The following UGT3A1 variants were observed in gnomAD, a reference collection of about 807,000 sequenced individuals.
UGT3A1 encodes the protein UDP-glycosyltransferase 3A1.
In UGT3A1, 40 loss-of-function variants were observed where a neutral mutation model predicts 37.6. That is an observed-to-expected ratio of 1.06 (90% confidence interval 0.83 to 1.38). UGT3A1 has a LOEUF of 1.38. Ranked by LOEUF, UGT3A1 falls within the 40% of genes most tolerant of loss-of-function variation. UGT3A1 has a pLI of 0.00. For synonymous variants in UGT3A1, 256 were observed against 232.3 expected (o/e 1.10, Z -0.93); for missense variants, 642 against 634.2 (o/e 1.01, Z -0.13).
chr5:35,985,092 A>AAAAAG (rs1554074578), intron 2 of UGT3A1, among the ~76,000 whole-genome samples: 5 of 149,978 alleles, frequency 3.3e-5, no homozygotes, highest in African/African-American at 1.2e-4. Context: ...AAAAAAAAAA[A>AAAAAG]AAAGAAATTC....
intron 2 of UGT3A1, among the ~76,000 whole-genome samples, chr5:35,987,894 T>C (rs911357010): frequency 6.6e-6 from 1 of 152,218 alleles, no homozygotes; most frequent in African/African-American, 2.4e-5. Context: ...TTACAATTCT[T>C]TGGAGGAAAT....
At chr5:35,969,519 A>G (rs1739951070) in intron 2 of UGT3A1, among the ~76,000 whole-genome samples, 1 of 152,110 alleles carries the variant, frequency 6.6e-6, no homozygotes. Flanking sequence ...AACAACCAAA[A>G]AGAGAAAGAG....
At chr5:35,983,476 T>C (rs1740610355) in intron 2 of UGT3A1, among the ~76,000 whole-genome samples, 1 of 151,882 alleles carries the variant, frequency 6.6e-6, no homozygotes, top group Non-Finnish European at 1.5e-5. Flanking sequence ...AACATCCAAA[T>C]AACGAAACCA....
chr5:35,956,313 G>C (rs1490287540), intron 5 of UGT3A1, among the ~76,000 whole-genome samples: 1 of 152,208 alleles, frequency 6.6e-6, no homozygotes, highest in East Asian at 1.9e-4. Context: ...CTGTCTGCCT[G>C]TCCCACCCTT....
intron 2 of UGT3A1, among the ~76,000 whole-genome samples, chr5:35,976,439 T>C (rs1740271796): frequency 6.6e-6 from 1 of 152,202 alleles, no homozygotes; most frequent in South Asian, 2.1e-4. Context: ...TACTTTCTCT[T>C]CTGGTAAGAA....
chr5:35,973,514 A>C (rs1480144475), intron 2 of UGT3A1, among the ~76,000 whole-genome samples: 1 of 152,198 alleles, frequency 6.6e-6, no homozygotes, highest in Non-Finnish European at 1.5e-5. Flanking sequence ...GAAAGGGTGG[A>C]CTACACTAAA....
intron 1 of UGT3A1, among the ~76,000 whole-genome samples, chr5:35,999,208 G>T (rs955831981): frequency 1.4e-5 from 2 of 145,624 alleles, no homozygotes; most frequent in African/African-American, 5.1e-5. Context: ...CTGCACTCCA[G>T]CCTGGGCCAC....
intron 3 of UGT3A1, among the ~76,000 whole-genome samples, chr5:35,967,478 T>C (rs1405953038): frequency 6.6e-6 from 1 of 152,200 alleles, no homozygotes; most frequent in African/African-American, 2.4e-5. Flanking sequence ...TATACCATCA[T>C]GGCATTTGAT....
chr5:35,991,382 C>T lies in UGT3A1; in HGVS notation c.-142G>A. The T allele has an allele frequency of 8.1e-6, 12 of 1,478,286 alleles. No homozygotes were observed. The highest frequency in any genetic ancestry group is 1.8e-4 in the Middle Eastern group (1 of 5,492). The allele number at this position is 1,478,286 out of a possible 1,614,324, so 91.6% of individuals were successfully genotyped here. ...AGGAGACGGATCCTGCCAATTCTCT[C>T]GCCCTTCTGTTCGTTCTCTTTCCCG... On this transcript the variant is annotated 5_prime_UTR_variant, in exon 1 of 7. Transcript: ENST00000274278.
chr5:35,973,725 G>A (rs1458146970), intron 2 of UGT3A1, among the ~76,000 whole-genome samples: 1 of 152,148 alleles, frequency 6.6e-6, no homozygotes, highest in Non-Finnish European at 1.5e-5. Flanking sequence ...TCCTTCATGG[G>A]TCAGAAATTA....
chr5:35,965,551 C>G lies in UGT3A1; in HGVS notation c.678G>C (p.Lys226Asn). 6.2e-7 allele frequency: 1 copy of G among 1,614,152 alleles called. No homozygotes were observed. Among genetic ancestry groups the G allele is most frequent in the Non-Finnish European group, 8.5e-7 (1 of 1,180,026 alleles). ...DMQSTFDNTI[K>N]EHFPEGSRPV... ...GCCTAGAGCCTTCTGGGAAATGCTC[C>G]TTGATGGTGTTGTCAAATGTAGACT... Residue 226 changes from lysine to asparagine, a missense_variant, in exon 4 of 7, where the codon AAG becomes AAC. Lys to Asn is a moderately conservative substitution (Grantham distance 94). Coordinates refer to ENST00000274278, the MANE Select transcript of UGT3A1 (RefSeq NM_152404.4).
intron 2 of UGT3A1, among the ~76,000 whole-genome samples, chr5:35,976,820 C>A (rs1229062002): frequency 7.2e-5 from 7 of 97,594 alleles, no homozygotes; most frequent in Admixed American, 4.2e-4. Flanking sequence ...GGCAACAGAA[C>A]AAGTGCTTGC....
At chr5:35,983,379 A>G (rs943794739) in intron 2 of UGT3A1, among the ~76,000 whole-genome samples, 7 of 152,200 alleles carry the variant, frequency 4.6e-5, no homozygotes, top group African/African-American at 1.7e-4. Flanking sequence ...CAACAAACTT[A>G]TCATGAGGAA....
chr5:35,971,505 G>A (rs1296066341), intron 2 of UGT3A1, among the ~76,000 whole-genome samples: 1 of 150,966 alleles, frequency 6.6e-6, no homozygotes, highest in Non-Finnish European at 1.5e-5. Flanking sequence ...CACAAATGTT[G>A]GAAATGGTTC....
Position 35,955,777 on chromosome 5 carries a change from A to G in UGT3A1, c.1163T>C (p.Leu388Ser). 6.2e-7 allele frequency: 1 copy of G among 1,614,236 alleles called. No individual in the cohort carries two copies. Among genetic ancestry groups the G allele is most frequent in the Non-Finnish European group, 8.5e-7 (1 of 1,180,042 alleles). Residue 388 changes from leucine (L) to serine (S), a missense_variant, in exon 6 of 7, where the codon TTA becomes TCA. Coordinates refer to ENST00000274278, the MANE Select transcript of UGT3A1 (RefSeq NM_152404.4). ...TCCATGCTGGTCTCCATTGACTGGT[A>G]ATCCCACCATGGGCACACCATGACG... ...AIRHGVPMVG[L>S]PVNGDQHGNM... is the part of the protein sequence containing the mutation.
chr5:35,985,231 A>C (rs1380710339), intron 2 of UGT3A1, among the ~76,000 whole-genome samples: 3 of 152,050 alleles, frequency 2.0e-5, no homozygotes, highest in Non-Finnish European at 2.9e-5. Context: ...ATAGAAAGCT[A>C]TTCCTTGTTC....
upstream of UGT3A1, among the ~76,000 whole-genome samples, chr5:35,993,990 T>A (rs1430595201): frequency 6.6e-6 from 1 of 152,182 alleles, no homozygotes; most frequent in Non-Finnish European, 1.5e-5. Context: ...CGAGCCTATC[T>A]GCTTCTGTAT....
At chr5:35,977,073 G>A (rs1054679934) in intron 2 of UGT3A1, among the ~76,000 whole-genome samples, 1 of 122,430 alleles carries the variant, frequency 8.2e-6, no homozygotes. Context: ...GAGAAAGAAA[G>A]AAAAGAAAGA....
At chr5:35,980,585 C>G (rs933517230) in intron 2 of UGT3A1, among the ~76,000 whole-genome samples, 2 of 152,094 alleles carry the variant, frequency 1.3e-5, no homozygotes, top group Non-Finnish European at 2.9e-5. Flanking sequence ...AGAATAATAC[C>G]CAGACATCAT....
Sources: allele counts gnomAD v4.1 joint callset (sites outside exome capture counted in the v4.1 genomes callset), GRCh38; gene constraint gnomAD v4.1.1; transcripts MANE v1.5; gene names NCBI Gene and HGNC (gene_info 2026-07-23, HGNC 2026-07-21).